The following CNTN4 variants were observed in gnomAD, a reference collection of about 807,000 sequenced individuals.
The protein encoded by CNTN4 is contactin-4.
CNTN4 carries 77 observed loss-of-function variants against 122.5 expected under a neutral mutation model. The ratio of observed to expected loss-of-function variants is 0.63; its 90% CI spans 0.52 to 0.76. The LOEUF is 0.76. Among genes scored for constraint, CNTN4 ranks in the 30% least tolerant of loss-of-function variants. CNTN4 has a pLI of 0.00. For synonymous variants in CNTN4, 512 were observed against 447.0 expected, an observed-to-expected ratio of 1.15 and a Z score of -1.83; for missense variants, 1,256 against 1,259.1, an observed-to-expected ratio of 1.00 and a Z score of 0.04.
At chr3:2,916,767 GTA>G (rs1191068305) in intron 12 of CNTN4, among the ~76,000 whole-genome samples, 1 of 145,666 alleles carries the variant, frequency 6.9e-6, no homozygotes, top group Non-Finnish European at 1.5e-5. Flanking sequence ...TCACTTCCCA[GTA>G]GGGGCGGCCG....
chr3:2,920,700 T>C (rs906431530), intron 12 of CNTN4, among the ~76,000 whole-genome samples: 1 of 152,176 alleles, frequency 6.6e-6, no homozygotes, highest in Non-Finnish European at 1.5e-5. Context: ...AGGGGACGTA[T>C]GAAGTTCTTA....
chr3:2,758,470 G>GA (rs1020865094), intron 6 of CNTN4, among the ~76,000 whole-genome samples: 1 of 145,392 alleles, frequency 6.9e-6, no homozygotes, highest in African/African-American at 2.5e-5. Flanking sequence ...CATTCACCTA[G>GA]AAAAAAACTC....
chr3:2,507,209 TC>T (rs1378323611), intron 3 of CNTN4, among the ~76,000 whole-genome samples: 1 of 152,092 alleles, frequency 6.6e-6, no homozygotes, highest in Non-Finnish European at 1.5e-5. Context: ...GGCCAGGGTA[TC>T]TTAAACATAT....
chr3:2,303,587 AT>A (rs1308979554), intron 2 of CNTN4, among the ~76,000 whole-genome samples: 1 of 152,184 alleles, frequency 6.6e-6, no homozygotes. Flanking sequence ...TTATTTATTC[AT>A]TAGATGATGG....
chr3:2,705,169 C>T (rs2086583583), intron 4 of CNTN4, among the ~76,000 whole-genome samples: 3 of 151,074 alleles, frequency 2.0e-5, no homozygotes, highest in African/African-American at 7.3e-5. Flanking sequence ...GAGATCGAGA[C>T]CATCCTGGCT....
At chr3:2,213,640 A>C (rs1406289215) in intron 2 of CNTN4, among the ~76,000 whole-genome samples, 1 of 152,146 alleles carries the variant, frequency 6.6e-6, no homozygotes, top group Admixed American at 6.5e-5. Context: ...CCAACAGATA[A>C]AATGCACTCC....
intron 3 of CNTN4, among the ~76,000 whole-genome samples, chr3:2,448,276 C>T (rs1260443953): frequency 6.6e-6 from 1 of 152,150 alleles, no homozygotes; most frequent in Non-Finnish European, 1.5e-5. Flanking sequence ...CATCATGAAT[C>T]AGAATCTGGG....
chr3:2,751,427 A>ATG (rs2090085333), intron 6 of CNTN4, among the ~76,000 whole-genome samples: 1 of 152,226 alleles, frequency 6.6e-6, no homozygotes. Flanking sequence ...GCACAGCTTC[A>ATG]TGAAGTGTTT....
intron 7 of CNTN4, among the ~76,000 whole-genome samples, chr3:2,861,783 G>A (rs1245604386): frequency 6.6e-6 from 1 of 152,054 alleles, no homozygotes; most frequent in Admixed American, 6.5e-5. Flanking sequence ...CAAGTTACTG[G>A]GTTTCCTTGG....
At chr3:2,259,616 C>G (rs987853371) in intron 2 of CNTN4, among the ~76,000 whole-genome samples, 1 of 151,996 alleles carries the variant, frequency 6.6e-6, no homozygotes, top group Non-Finnish European at 1.5e-5. Context: ...AGAGAATGAG[C>G]GCCAAGCAAA....
chr3:2,964,906 C>G (rs1436377010), intron 13 of CNTN4, among the ~76,000 whole-genome samples: 1 of 152,058 alleles, frequency 6.6e-6, no homozygotes, highest in Non-Finnish European at 1.5e-5. Flanking sequence ...CCACATTCAC[C>G]CACTCATTCA....
chr3:2,715,085 A>C (rs528431386), intron 4 of CNTN4, among the ~76,000 whole-genome samples: 1 of 152,106 alleles, frequency 6.6e-6, no homozygotes, highest in Non-Finnish European at 1.5e-5. Context: ...GTTTTTATCT[A>C]TGGTAGAGCT....
intron 3 of CNTN4, among the ~76,000 whole-genome samples, chr3:2,481,428 A>C (rs1404669623): frequency 6.6e-6 from 1 of 152,160 alleles, no homozygotes. Context: ...GGTGTGAGCC[A>C]CTGTGCCCAG....
chr3:2,199,907 A>G (rs2038018312), intron 2 of CNTN4, among the ~76,000 whole-genome samples: 1 of 152,144 alleles, frequency 6.6e-6, no homozygotes, highest in South Asian at 2.1e-4. Flanking sequence ...CAAAGTGGCA[A>G]TGAACTTGTC....
At chr3:2,590,019 G>C (rs562616433) in intron 4 of CNTN4, among the ~76,000 whole-genome samples, 1 of 152,156 alleles carries the variant, frequency 6.6e-6, no homozygotes, top group Non-Finnish European at 1.5e-5. Flanking sequence ...TATTTTAGAA[G>C]GGGGAGTGTC....
At chr3:2,655,145 A>G (rs2083529787) in intron 4 of CNTN4, among the ~76,000 whole-genome samples, 1 of 152,124 alleles carries the variant, frequency 6.6e-6, no homozygotes, top group Non-Finnish European at 1.5e-5. Context: ...GAATTTAGAA[A>G]ATATGTTTGT....
intron 2 of CNTN4, among the ~76,000 whole-genome samples, chr3:2,291,347 G>T (rs1299229901): frequency 6.6e-6 from 1 of 152,020 alleles, no homozygotes. Context: ...CACTATTCAA[G>T]AATTTATCTC....
chr3:2,573,965 C>G (rs2079541732), intron 4 of CNTN4, among the ~76,000 whole-genome samples: 1 of 152,096 alleles, frequency 6.6e-6, no homozygotes, highest in East Asian at 1.9e-4. Flanking sequence ...GCCTGTAACC[C>G]CAACAGTTTG....
chr3:2,563,369 T>C (rs970869386), intron 3 of CNTN4, among the ~76,000 whole-genome samples: 59 of 152,186 alleles, frequency 3.9e-4, no homozygotes, highest in Admixed American at 2.7e-3. Flanking sequence ...AGTTAACCCA[T>C]AAAATTAAAA....
Sources: allele counts gnomAD v4.1 joint callset (sites outside exome capture counted in the v4.1 genomes callset), GRCh38; gene constraint gnomAD v4.1.1; transcripts MANE v1.5; gene names NCBI Gene and HGNC (gene_info 2026-07-23, HGNC 2026-07-21).